Variants in AFF1 observed in about 807,000 individuals in gnomAD.
AFF1 encodes the protein AF4/FMR2 family member 1.
A neutral mutation model predicts 121.7 loss-of-function variants in AFF1; 48 were observed. The observed-to-expected ratio is 0.39, with a 90% confidence interval of 0.31 to 0.50. The LOEUF is 0.50. AFF1 is among the 20% of genes least tolerant of loss of function. The pLI is 0.76. For missense variants in AFF1, 1,523 were observed against 1,511.7 expected, an observed-to-expected ratio of 1.01 and a Z score of -0.12; for synonymous variants, 613 against 563.0, an observed-to-expected ratio of 1.09 and a Z score of -1.26.
chr4:86,950,221 C>T (rs1022289196), intron 2 of AFF1: 19 of 1,069,242 alleles, frequency 1.8e-5, no homozygotes, highest in African/African-American at 1.6e-4. Context: ...TATTGTTGCC[C>T]CGGCTGGAGT....
intron 4 of AFF1, among the ~76,000 whole-genome samples, chr4:87,050,698 C>T (rs138954371): frequency 7.9e-5 from 12 of 152,268 alleles, no homozygotes; most frequent in Admixed American, 3.9e-4. Flanking sequence ...GGTTTTTCTC[C>T]GGGAGTGTCT....
In AFF1 at chr4:87,001,787, G is replaced by A. The variant is rs74426170; in HGVS notation, c.39-44379G>A. 2.2e-4 allele frequency among the ~76,000 whole-genome samples: 33 copies of A among 152,288 alleles called. No homozygotes were observed. The East Asian group carries it at 6.4e-3, about 29-fold the overall frequency. On this transcript the variant is annotated intron_variant, in intron 2 of 20. Transcript: ENST00000395146. ...TCATTAGCAGTCCTCCTTGCTGTCT[G>A]CCTTCTGGGTAATGCCTGTTTTTAT...
intron 8 of AFF1, among the ~76,000 whole-genome samples, chr4:87,103,277 T>C (rs1725608103): frequency 6.6e-6 from 1 of 152,258 alleles, no homozygotes; most frequent in African/African-American, 2.4e-5. Flanking sequence ...CTTTCTGGAA[T>C]AGTTTGTGGT....
At chr4:86,948,190 G>T (rs997618224) in intron 1 of AFF1, among the ~76,000 whole-genome samples, 37 of 151,988 alleles carry the variant, frequency 2.4e-4, no homozygotes, top group African/African-American at 8.2e-4. Flanking sequence ...TTAACACAAT[G>T]CTTGGCACAA....
chr4:86,974,000 G>A (rs1723119396), intron 2 of AFF1: 2 of 152,158 alleles, frequency 1.3e-5, no homozygotes, highest in Admixed American at 6.5e-5. Context: ...TAGCAGAAGA[G>A]CAAATAAAGT....
At chr4:87,049,833 T>A in intron 4 of AFF1, 2 of 441,720 alleles carry the variant, frequency 4.5e-6, no homozygotes, top group South Asian at 3.2e-5. Flanking sequence ...GAGGGCAAAT[T>A]AGGAGCCAAG....
chr4:87,064,014 C>T (rs3775228), intron 4 of AFF1, among the ~76,000 whole-genome samples: 49,529 of 152,040 alleles, frequency 0.33, 8,868 homozygotes, highest in Non-Finnish European at 0.39. Flanking sequence ...TTAAATGTTA[C>T]ACTTTTTCAA....
At chr4:87,104,996 A>G (rs1210550752) in intron 8 of AFF1, among the ~76,000 whole-genome samples, 1 of 152,224 alleles carries the variant, frequency 6.6e-6, no homozygotes, top group Non-Finnish European at 1.5e-5. Flanking sequence ...TGTCAAAAAT[A>G]AAGCTCACTA....
In AFF1 at chr4:87,094,925, T is replaced by C. The variant is rs1328286814; in HGVS notation, c.1239T>C (p.Asp413=). 5.6e-6 allele frequency: 9 copies of C among 1,613,826 alleles called. No individual in the cohort carries two copies. The South Asian group carries it at 6.6e-5, about 12-fold the overall frequency. The stretch of plus-strand genomic sequence containing the variant: ...TTCTCTCCCCCACAGAACAATATGA[T>C]ACATCTTCAAAAACTCACTCAAATT... ...SSVTQNQKQY[D]TSSKTHSNSQ... Residue 413 remains aspartate, a synonymous_variant, in exon 8 of 21, where the codon GAT becomes GAC. Transcript: ENST00000395146.
At chr4:87,005,033 A>AG (rs1231042619) in intron 2 of AFF1, among the ~76,000 whole-genome samples, 6 of 152,254 alleles carry the variant, frequency 3.9e-5, no homozygotes, top group African/African-American at 1.2e-4. Flanking sequence ...TTTGAGAGAG[A>AG]GTCTTACTCT....
At chr4:87,039,040 C>T (rs1416613139) in intron 2 of AFF1, among the ~76,000 whole-genome samples, 1 of 152,140 alleles carries the variant, frequency 6.6e-6, no homozygotes, top group Non-Finnish European at 1.5e-5. Context: ...CATGACTAAC[C>T]TAGTTTAGCA....
intron 4 of AFF1, among the ~76,000 whole-genome samples, chr4:87,083,205 A>G (rs577745918): frequency 7.0e-4 from 107 of 152,292 alleles, no homozygotes; most frequent in Non-Finnish European, 1.2e-3. Context: ...TTCCCTAGGC[A>G]CTGTCTGGTG....
intron 9 of AFF1, 39 bp from the exon 10 acceptor site, chr4:87,105,759 GTTTTTTGTTC>G: frequency 6.2e-7 from 1 of 1,613,756 alleles, no homozygotes; most frequent in Non-Finnish European, 8.5e-7. Flanking sequence ...GTTCTAACCT[GTTTTTTGTTC>G]TTTTCCTGGT....
intron 2 of AFF1, chr4:87,007,115 C>T (rs1341570853): frequency 7.9e-7 from 1 of 1,269,844 alleles, no homozygotes; most frequent in Non-Finnish European, 9.9e-7. Flanking sequence ...CGGGGGCGCT[C>T]GCTTGCCCCG....
At chr4:87,045,968 C>T (rs1175730362) in intron 2 of AFF1, among the ~76,000 whole-genome samples, 198 bp from the exon 3 acceptor site, 1 of 152,126 alleles carries the variant, frequency 6.6e-6, no homozygotes, top group Non-Finnish European at 1.5e-5. Context: ...GGACCCCAGG[C>T]TGGAGGGTCA....
chr4:86,971,346 C>T (rs1450407964), intron 2 of AFF1, among the ~76,000 whole-genome samples: 1 of 152,190 alleles, frequency 6.6e-6, no homozygotes, highest in African/African-American at 2.4e-5. Context: ...GTTATTGTGA[C>T]TGATCTCAGT....
At chr4:87,076,414 AT>A (rs918368457) in intron 4 of AFF1, among the ~76,000 whole-genome samples, 1 of 152,164 alleles carries the variant, frequency 6.6e-6, no homozygotes, top group Non-Finnish European at 1.5e-5. Context: ...CATGAAAGTA[AT>A]TTTTTGCTAC....
chr4:86,983,439 T>A (rs1723935334), intron 2 of AFF1, among the ~76,000 whole-genome samples: 1 of 151,792 alleles, frequency 6.6e-6, no homozygotes, highest in African/African-American at 2.4e-5. Context: ...GGCAGGAGAA[T>A]CACTTGAACC....
intron 17 of AFF1, 66 bp from the exon 18 acceptor site, chr4:87,131,727 G>A (rs1728847324): frequency 1.5e-6 from 2 of 1,294,420 alleles, no homozygotes; most frequent in African/African-American, 1.5e-5. Flanking sequence ...ATGGAAACAA[G>A]CATAGTAAGT....
Sources: gnomAD v4.1 joint callset for allele counts (sites outside exome capture counted in the v4.1 genomes callset) on GRCh38, gnomAD v4.1.1 for gene constraint, MANE v1.5 for transcripts, NCBI Gene and HGNC (gene_info 2026-07-23, HGNC 2026-07-21) for gene names.